Variants in NAV2 observed in about 807,000 individuals in gnomAD.
NAV2 encodes neuron navigator 2.
Under a neutral mutation model 223.2 loss-of-function variants are expected in NAV2, and 54 were observed. The ratio of observed to expected loss-of-function variants is 0.24; its 90% confidence interval spans 0.19 to 0.30. The LOEUF is 0.30. Among genes scored for constraint, NAV2 ranks in the 10% least tolerant of loss-of-function variants. The pLI is 1.00. For missense variants in NAV2, 2,806 were observed against 3,147.5 expected (o/e 0.89, Z 2.60); for synonymous variants, 1,279 against 1,239.3 (o/e 1.03, Z -0.67).
At chr11:19,429,153 A>G (rs1850948062) in intron 1 of NAV2, among the ~76,000 whole-genome samples, 1 of 152,208 alleles carries the variant, frequency 6.6e-6, no homozygotes, top group Non-Finnish European at 1.5e-5. Flanking sequence ...CTCTTGCCAG[A>G]TTGGGAGCTC....
intron 1 of NAV2, among the ~76,000 whole-genome samples, chr11:19,437,686 A>G (rs1383325847): frequency 1.3e-5 from 2 of 150,492 alleles, no homozygotes; most frequent in African/African-American, 4.9e-5. Context: ...TATAACATTC[A>G]CTATGATTTA....
chr11:19,452,805 G>A (rs1239391803), intron 1 of NAV2, among the ~76,000 whole-genome samples: 1 of 152,166 alleles, frequency 6.6e-6, no homozygotes, highest in African/African-American at 2.4e-5. Context: ...TAGTGAATGT[G>A]TATTGCTTTT....
At chr11:19,637,214 T>C (rs2047529608) in intron 1 of NAV2, among the ~76,000 whole-genome samples, 1 of 152,206 alleles carries the variant, frequency 6.6e-6, no homozygotes. Context: ...AGTGGCTACC[T>C]GGCTGGTTTC....
At chr11:19,632,007 C>T (rs1235015331) in intron 1 of NAV2, among the ~76,000 whole-genome samples, 3 of 152,274 alleles carry the variant, frequency 2.0e-5, no homozygotes, top group Non-Finnish European at 4.4e-5. Context: ...CAACTGCCCA[C>T]TTCTTACTTT....
At chr11:20,083,547 A>G (rs571139952) in intron 26 of NAV2, among the ~76,000 whole-genome samples, 1 of 152,322 alleles carries the variant, frequency 6.6e-6, no homozygotes, top group Non-Finnish European at 1.5e-5. Context: ...TGCAGCAGTA[A>G]GAAAGGCTGG....
chr11:19,565,623 T>C (rs1345179934), intron 1 of NAV2, among the ~76,000 whole-genome samples: 2 of 152,240 alleles, frequency 1.3e-5, no homozygotes, highest in Admixed American at 1.3e-4. Context: ...TTCATTGATT[T>C]TCCTATGGTG....
At chr11:19,350,133 G>T (rs1186292641), upstream of NAV2, among the ~76,000 whole-genome samples, 1 of 121,554 alleles carries the variant, frequency 8.2e-6, no homozygotes, top group Non-Finnish European at 1.8e-5. Flanking sequence ...CCCCATGGAA[G>T]TTTGAAAGAT....
At chr11:19,449,353 T>C (rs1851703598) in intron 1 of NAV2, among the ~76,000 whole-genome samples, 1 of 150,424 alleles carries the variant, frequency 6.6e-6, no homozygotes, top group South Asian at 2.1e-4. Flanking sequence ...GCTGAGATCC[T>C]GCCACTGCAC....
At chr11:19,835,036 C>T (rs1338639407) in intron 2 of NAV2, among the ~76,000 whole-genome samples, 6 of 152,172 alleles carry the variant, frequency 3.9e-5, no homozygotes, top group African/African-American at 9.7e-5. Context: ...TCATGTCTGC[C>T]TTGGGCTCAG....
At chr11:19,407,310 G>A (rs1015496587) in intron 1 of NAV2, among the ~76,000 whole-genome samples, 4 of 152,192 alleles carry the variant, frequency 2.6e-5, no homozygotes, top group Non-Finnish European at 2.9e-5. Context: ...AAACAGAGCC[G>A]TGCTGAGAGA....
intron 6 of NAV2, among the ~76,000 whole-genome samples, chr11:19,911,454 T>C (rs1240278196): frequency 6.6e-6 from 1 of 152,186 alleles, no homozygotes; most frequent in Non-Finnish European, 1.5e-5. Context: ...GGTGTCTGAA[T>C]GAAGTAGGCA....
intron 1 of NAV2, among the ~76,000 whole-genome samples, chr11:19,675,557 G>A (rs966846839): frequency 2.0e-5 from 3 of 152,200 alleles, no homozygotes; most frequent in African/African-American, 7.2e-5. Flanking sequence ...ATGCCTCCTG[G>A]CACAGGACAT....
At chr11:20,092,635 C>T (rs1334626451) in intron 28 of NAV2, among the ~76,000 whole-genome samples, 2 of 152,046 alleles carry the variant, frequency 1.3e-5, no homozygotes, top group African/African-American at 4.8e-5. Context: ...TTTGTTTGAT[C>T]CATTTTAAGA....
At chr11:19,513,592 C>G (rs1337262867) in intron 1 of NAV2, among the ~76,000 whole-genome samples, 1 of 152,198 alleles carries the variant, frequency 6.6e-6, no homozygotes, top group Non-Finnish European at 1.5e-5. Context: ...AAATCTCTCC[C>G]TTTTGATGCT....
intron 8 of NAV2, among the ~76,000 whole-genome samples, chr11:19,946,094 T>C (rs2046913776): frequency 6.6e-6 from 1 of 152,200 alleles, no homozygotes; most frequent in African/African-American, 2.4e-5. Flanking sequence ...CCTGAGCATG[T>C]CTCTGTTGGA....
chr11:19,603,003 C>A (rs1204810027), intron 1 of NAV2, among the ~76,000 whole-genome samples: 3 of 152,066 alleles, frequency 2.0e-5, no homozygotes, highest in Non-Finnish European at 4.4e-5. Context: ...ACAGCATGAG[C>A]AAAGGATCAT....
chr11:19,948,991 C>A lies in NAV2; in HGVS notation c.2556C>A (p.Asp852Glu). ...CAGACAAGGCAGGAGATGAGATGGA[C>A]CTGGAAGGCATCAGCATGGATGCCC... ...DVSDKAGDEM[D>E]LEGISMDAPG... Residue 852 changes from aspartate (D) to glutamate (E), a missense_variant, in exon 10 of 38, where the codon GAC becomes GAA. Around this residue, in one of 4 missense-constraint regions of NAV2, gnomAD observed 1,167 missense variants for 1,180.5 expected, o/e 0.99. Coordinates refer to ENST00000349880, the MANE Select transcript of NAV2 (RefSeq NM_145117.5). 3 of 1,613,832 alleles carry A rather than the reference C, an allele frequency of 1.9e-6. No individual in the cohort carries two copies. The highest frequency in any genetic ancestry group is 2.5e-6 in the Non-Finnish European group (3 of 1,179,808).
intron 1 of NAV2, among the ~76,000 whole-genome samples, chr11:19,590,107 CCGA>C (rs1565079566): frequency 2.0e-5 from 3 of 152,146 alleles, no homozygotes; most frequent in African/African-American, 7.2e-5. Context: ...AACCACTGTG[CCGA>C]CGTTTTCTCC....
At chr11:19,504,851 AT>A (rs1406740461) in intron 1 of NAV2, 1 of 152,234 alleles carries the variant, frequency 6.6e-6, no homozygotes, top group Non-Finnish European at 1.5e-5. Flanking sequence ...TAAGAATGTT[AT>A]TTGTAAAACT....
Sources: allele counts gnomAD v4.1 joint callset (sites outside exome capture counted in the v4.1 genomes callset), GRCh38; gene constraint gnomAD v4.1.1; regional missense constraint gnomAD v4.1.1; transcripts MANE v1.5; gene names NCBI Gene and HGNC (gene_info 2026-07-23, HGNC 2026-07-21).